VPS41: variants seen among roughly 807,000 people sequenced by gnomAD.
The protein encoded by VPS41 is VPS41 subunit of HOPS complex, also known as vacuolar protein sorting-associated protein 41 homolog.
Under a neutral mutation model 130.9 loss-of-function variants are expected in VPS41, and 85 were observed. The ratio of observed to expected loss-of-function variants is 0.65; its 90% CI spans 0.55 to 0.78. The LOEUF (loss-of-function observed/expected upper bound fraction) is 0.78. Among genes scored for constraint, VPS41 ranks in the 30% least tolerant of loss-of-function variants. The pLI is 0.00. For synonymous variants in VPS41, 335 were observed against 332.9 expected (o/e 1.01, Z -0.07); for missense variants, 874 against 1,018.7 (o/e 0.86, Z 1.93).
intron 9 of VPS41, among the ~76,000 whole-genome samples, chr7:38,795,004 TCTCTA>T (rs1028548747): frequency 5.9e-5 from 9 of 152,092 alleles, no homozygotes; most frequent in Non-Finnish European, 1.2e-4. Flanking sequence ...TAAGTCTGGG[TCTCTA>T]CTCTATCAAA....
At chr7:38,817,952 A>C in intron 6 of VPS41, 70 bp from the exon 7 acceptor site, 1 of 1,196,234 alleles carries the variant, frequency 8.4e-7, no homozygotes, top group Non-Finnish European at 1.2e-6. Context: ...AACCCCTGAC[A>C]CAGTTCAAGC....
chr7:38,867,873 C>T (rs1358251231), intron 3 of VPS41, among the ~76,000 whole-genome samples: 1 of 152,044 alleles, frequency 6.6e-6, no homozygotes, highest in Non-Finnish European at 1.5e-5. Flanking sequence ...AACGGGAAGA[C>T]AGGGATGTAT....
intron 1 of VPS41, among the ~76,000 whole-genome samples, chr7:38,905,984 C>T (rs760629428): frequency 1.3e-4 from 19 of 151,738 alleles, no homozygotes; most frequent in African/African-American, 4.1e-4. Context: ...TTAGTAGTGA[C>T]GGGGTTTCAC....
intron 17 of VPS41, among the ~76,000 whole-genome samples, chr7:38,761,031 T>C (rs1783900246): frequency 6.6e-6 from 1 of 152,136 alleles, no homozygotes; most frequent in African/African-American, 2.4e-5. Flanking sequence ...AAACTTCTTA[T>C]ATATTAATAT....
chr7:38,819,569 G>C (rs1010047084), intron 6 of VPS41, among the ~76,000 whole-genome samples: 3 of 152,050 alleles, frequency 2.0e-5, no homozygotes, highest in African/African-American at 7.2e-5. Context: ...TCCTCAGCAA[G>C]GTCACCAGTA....
chr7:38,824,265 T>G (rs1242207641), intron 5 of VPS41, among the ~76,000 whole-genome samples: 1 of 152,238 alleles, frequency 6.6e-6, no homozygotes, highest in African/African-American at 2.4e-5. Flanking sequence ...TTTACCTTAG[T>G]GGTTCTCAAA....
intron 13 of VPS41, 26 bp from the exon 14 acceptor site, chr7:38,771,280 TAA>T (rs11431870): frequency 1.3e-3 from 1,672 of 1,289,404 alleles, no homozygotes; most frequent in Non-Finnish European, 1.5e-3. Flanking sequence ...AAGGATGATT[TAA>T]AAAAAAAAAA....
At chr7:38,893,599 T>G (rs1324525395) in intron 2 of VPS41, among the ~76,000 whole-genome samples, 1 of 152,238 alleles carries the variant, frequency 6.6e-6, no homozygotes, top group Non-Finnish European at 1.5e-5. Context: ...ACACTGCATA[T>G]TTTTCAAAAC....
At chr7:38,792,105 T>C (rs182497278) in intron 9 of VPS41, among the ~76,000 whole-genome samples, 7 of 152,240 alleles carry the variant, frequency 4.6e-5, no homozygotes, top group Admixed American at 3.9e-4. Context: ...CAAGGATGCA[T>C]TGCACTACTG....
intron 17 of VPS41, among the ~76,000 whole-genome samples, chr7:38,761,361 C>T (rs1181185370): frequency 6.7e-5 from 10 of 148,602 alleles, no homozygotes; most frequent in Admixed American, 2.7e-4. Context: ...CTGCAACCTC[C>T]GCCTCCTAGG....
intron 4 of VPS41, among the ~76,000 whole-genome samples, chr7:38,836,196 C>G (rs1013458534): frequency 2.0e-5 from 3 of 151,750 alleles, no homozygotes; most frequent in Admixed American, 2.0e-4. Context: ...TACTCAAATT[C>G]TTTTTCTTTT....
chr7:38,819,034 T>C (rs916880520), intron 6 of VPS41, among the ~76,000 whole-genome samples: 2 of 152,224 alleles, frequency 1.3e-5, no homozygotes, highest in African/African-American at 4.8e-5. Context: ...CATTCTATTG[T>C]TTCACATTCT....
At chr7:38,788,785 T>TA (rs889503816) in intron 10 of VPS41, among the ~76,000 whole-genome samples, 22 of 150,994 alleles carry the variant, frequency 1.5e-4, no homozygotes, top group South Asian at 8.4e-4. Context: ...CTCCTAAAGT[T>TA]AAAAAAAAAG....
chr7:38,745,660 GAACA>G (rs1006623801), intron 22 of VPS41, 47 bp from the exon 23 acceptor site: 3 of 1,386,886 alleles, frequency 2.2e-6, no homozygotes, highest in Non-Finnish European at 3.0e-6. Flanking sequence ...GACCAAATAA[GAACA>G]AACAGTAATA....
chr7:38,900,347 C>T (rs1469285431), intron 1 of VPS41, among the ~76,000 whole-genome samples: 1 of 151,884 alleles, frequency 6.6e-6, no homozygotes, highest in Non-Finnish European at 1.5e-5. Flanking sequence ...TAAGTAGAAG[C>T]TAAATAATGT....
chr7:38,796,281 T>G (rs1259654281), intron 8 of VPS41: 2 of 331,460 alleles, frequency 6.0e-6, no homozygotes, highest in African/African-American at 2.2e-5. Context: ...AAGTAAACTT[T>G]AAGTTAAAAT....
At chr7:38,793,674 C>CT (rs1195796530) in intron 9 of VPS41, among the ~76,000 whole-genome samples, 1 of 152,086 alleles carries the variant, frequency 6.6e-6, no homozygotes, top group Non-Finnish European at 1.5e-5. Context: ...GTTCACTGGG[C>CT]TAAAATCAAG....
intron 10 of VPS41, among the ~76,000 whole-genome samples, chr7:38,785,455 A>C (rs991518010): frequency 6.6e-6 from 1 of 152,258 alleles, no homozygotes; most frequent in Non-Finnish European, 1.5e-5. Context: ...TTTGCAATTT[A>C]ATTCCGTATT....
chr7:38,829,690 A>G (rs1785349961), intron 5 of VPS41, among the ~76,000 whole-genome samples: 1 of 152,248 alleles, frequency 6.6e-6, no homozygotes, highest in Non-Finnish European at 1.5e-5. Flanking sequence ...CAAATGATGT[A>G]TGTCCTTGGT....
Sources: gnomAD v4.1 joint callset for allele counts (sites outside exome capture counted in the v4.1 genomes callset) on GRCh38, gnomAD v4.1.1 for gene constraint, MANE v1.5 for transcripts, NCBI Gene and HGNC (gene_info 2026-07-23, HGNC 2026-07-21) for gene names.